Variants in ANK1 observed in about 807,000 individuals in gnomAD.
The protein encoded by ANK1 is ankyrin 1, also known as ankyrin-1.
In ANK1, 51 loss-of-function variants were observed where a neutral mutation model predicts 210.4. That is an observed-to-expected ratio of 0.24 (90% CI 0.19 to 0.31). The LOEUF (loss-of-function observed/expected upper bound fraction) is 0.31, where lower values mean the gene tolerates loss of function less well. Among genes scored for constraint, ANK1 ranks in the 10% least tolerant of loss-of-function variants. The pLI, the probability that ANK1 is intolerant of heterozygous loss-of-function variation, is 1.00. For missense variants in ANK1, 2,051 were observed against 2,504.4 expected (o/e 0.82, Z 3.86); for synonymous variants, 967 against 1,025.9 (o/e 0.94, Z 1.10).
chr8:41,832,184 G>A (rs1435248352), intron 1 of ANK1, among the ~76,000 whole-genome samples: 4 of 152,154 alleles, frequency 2.6e-5, no homozygotes, highest in African/African-American at 9.7e-5. Context: ...TAAAATAAAT[G>A]CTAGACAGTA....
intron 26 of ANK1, 53 bp from the exon 27 acceptor site, chr8:41,695,384 G>A (rs1820587958): frequency 6.2e-7 from 1 of 1,611,446 alleles, no homozygotes; most frequent in East Asian, 2.2e-5. Context: ...GGCAGGCAGG[G>A]CACAGGGAGG....
intron 1 of ANK1, among the ~76,000 whole-genome samples, chr8:41,833,437 C>T (rs553751083): frequency 1.6e-4 from 24 of 152,342 alleles, no homozygotes; most frequent in African/African-American, 5.8e-4. Context: ...AAGGAAAAAT[C>T]TGTCCAGAAT....
chr8:41,752,941 A>T (rs1838138840), intron 2 of ANK1, among the ~76,000 whole-genome samples: 1 of 152,122 alleles, frequency 6.6e-6, no homozygotes, highest in African/African-American at 2.4e-5. Flanking sequence ...AAAGACTGGA[A>T]TCCTTCATGT....
At chr8:41,823,635 G>A (rs1470424323) in intron 1 of ANK1, among the ~76,000 whole-genome samples, 2 of 151,868 alleles carry the variant, frequency 1.3e-5, no homozygotes, top group African/African-American at 4.8e-5. Flanking sequence ...ATGGTGGCAT[G>A]AGTCTGTAGT....
intron 1 of ANK1, among the ~76,000 whole-genome samples, chr8:41,778,874 C>T (rs747618285): frequency 1.2e-4 from 19 of 152,176 alleles, no homozygotes; most frequent in Non-Finnish European, 1.8e-4. Context: ...ACACTGAACA[C>T]ACAGGCAGGA....
chr8:41,701,495 G>A (rs1822788553), intron 22 of ANK1, 55 bp downstream of exon 22: 10 of 1,560,726 alleles, frequency 6.4e-6, no homozygotes, highest in Non-Finnish European at 6.2e-6. Context: ...CCCCCTTGGA[G>A]GGTGCCCGGA....
chr8:41,864,994 C>T (rs1587500888), intron 1 of ANK1, among the ~76,000 whole-genome samples: 2 of 152,226 alleles, frequency 1.3e-5, no homozygotes, highest in East Asian at 1.9e-4. Context: ...ACAAACACGG[C>T]AACCCCTTCC....
rs1831131351 is a variant in ANK1 at position 41,727,902 on chromosome 8, C to T, written c.327+6G>A. ...CACCCTCTAGTCCAGACCAGAGAGC[C>T]ATTACCTGTGACTGGGCGTTGACGT... On this transcript the variant is annotated splice_donor_region_variant and intron_variant, in intron 4 of 42. Transcript: ENST00000289734. 1.2e-6 allele frequency: 2 copies of T among 1,614,002 alleles called. No homozygotes were observed. The highest frequency in any genetic ancestry group is 1.7e-6 in the Non-Finnish European group (2 of 1,179,862).
intron 1 of ANK1, among the ~76,000 whole-genome samples, chr8:41,803,055 G>GAGAAAGAAAGAA (rs1563810673): frequency 1.1e-4 from 8 of 73,674 alleles, no homozygotes; most frequent in African/African-American, 4.7e-4. Flanking sequence ...AAGAAAGAAA[G>GAGAAAGAAAGAA]AGAGAAAGGA....
intron 9 of ANK1, among the ~76,000 whole-genome samples, chr8:41,722,850 A>G (rs1177578703): frequency 6.6e-6 from 1 of 152,190 alleles, no homozygotes; most frequent in Non-Finnish European, 1.5e-5. Flanking sequence ...CTACGTTGGC[A>G]GTGTTGAATC....
chr8:41,727,901 C>T lies in ANK1; in HGVS notation c.327+7G>A, dbSNP rs1204464251. Reference sequence around the variant, plus strand: ...ACACCCTCTAGTCCAGACCAGAGAGCCATTACCTGTGACTGGGCGTTGACG... The same window carrying T: ...ACACCCTCTAGTCCAGACCAGAGAGTCATTACCTGTGACTGGGCGTTGACG... On this transcript the variant is annotated splice_region_variant and intron_variant, in intron 4 of 42. Coordinates refer to ENST00000289734, the MANE Select transcript of ANK1 (RefSeq NM_000037.4). The T allele has an allele frequency of 1.2e-6, 2 of 1,613,790 alleles. No individual in the cohort carries two copies. The highest frequency in any genetic ancestry group is 1.7e-6 in the Non-Finnish European group (2 of 1,179,810).
chr8:41,815,459 T>C (rs1185265822), intron 1 of ANK1, among the ~76,000 whole-genome samples: 2 of 152,150 alleles, frequency 1.3e-5, no homozygotes, highest in East Asian at 3.8e-4. Flanking sequence ...TTTTAGTCAG[T>C]TTGACCCTAT....
chr8:41,746,166 G>C (rs150279060), intron 2 of ANK1, among the ~76,000 whole-genome samples: 1 of 152,216 alleles, frequency 6.6e-6, no homozygotes, highest in African/African-American at 2.4e-5. Flanking sequence ...CTCTCGTTCT[G>C]CGGGGCCATA....
At chr8:41,814,801 T>TC (rs1269258618) in intron 1 of ANK1, among the ~76,000 whole-genome samples, 1 of 152,124 alleles carries the variant, frequency 6.6e-6, no homozygotes, top group Non-Finnish European at 1.5e-5. Flanking sequence ...GACTGATTTA[T>TC]CGGAACTTAG....
At position 41,704,080 on chromosome 8, in the gene ANK1, C is replaced by G; in HGVS notation, c.2256G>C (p.Leu752=). The G allele has an allele frequency of 6.2e-7, 1 of 1,614,118 alleles. No homozygotes were observed. The highest frequency in any genetic ancestry group is 2.2e-5 in the East Asian group (1 of 44,870). Residue 752 remains leucine (L), a synonymous_variant, in exon 20 of 43, where the codon CTG becomes CTC. Coordinates refer to ENST00000289734, the MANE Select transcript of ANK1 (RefSeq NM_000037.4). The surrounding 1 kb of genome is among the most constrained non-coding windows in gnomAD (Gnocchi z 4.1). Reference sequence around the variant, plus strand: ...TTGGGGAAGCACCGTTTTTCAGAAGCAGAGTCACGATGTCTGTGTGTCCCT... The same window carrying G: ...TTGGGGAAGCACCGTTTTTCAGAAGGAGAGTCACGATGTCTGTGTGTCCCT... ...AQQGHTDIVT[L]LLKNGASPNE...
intron 6 of ANK1, among the ~76,000 whole-genome samples, chr8:41,725,170 C>T (rs1830360833): frequency 6.6e-6 from 1 of 152,232 alleles, no homozygotes; most frequent in South Asian, 2.1e-4. Context: ...CCTAACCCCA[C>T]CCAGGTGTTT....
intron 1 of ANK1, among the ~76,000 whole-genome samples, chr8:41,866,268 C>T (rs866897309): frequency 2.6e-5 from 4 of 152,202 alleles, no homozygotes; most frequent in African/African-American, 9.6e-5. Flanking sequence ...CAGCTCATTG[C>T]GGCCTTGATC....
chr8:41,718,036 C>G (rs572454490), intron 11 of ANK1, 70 bp downstream of exon 11: 33 of 1,457,976 alleles, frequency 2.3e-5, no homozygotes, highest in Admixed American at 8.6e-5. Context: ...CTACAAAGAG[C>G]GACTCTTGGA....
At chr8:41,763,141 G>C (rs1456391873) in intron 1 of ANK1, among the ~76,000 whole-genome samples, 1 of 151,672 alleles carries the variant, frequency 6.6e-6, no homozygotes, top group Non-Finnish European at 1.5e-5. Context: ...ACTTGGACCT[G>C]GGAGGCAGTT....
Sources: gnomAD v4.1 joint callset for allele counts (sites outside exome capture counted in the v4.1 genomes callset) on GRCh38, gnomAD v4.1.1 for gene constraint, Gnocchi (gnomAD v3.1) non-coding constraint, MANE v1.5 for transcripts, NCBI Gene and HGNC (gene_info 2026-07-23, HGNC 2026-07-21) for gene names.